Variants in SPINK8 observed in about 807,000 individuals in gnomAD.
SPINK8 encodes the protein serine peptidase inhibitor Kazal type 8 (putative).
SPINK8 carries 12 observed loss-of-function variants against 14.4 expected under a neutral mutation model. The observed-to-expected ratio is 0.83, with a 90% CI of 0.53 to 1.35. SPINK8 has a LOEUF of 1.35. Ranked by LOEUF, SPINK8 falls within the 40% of genes most tolerant of loss-of-function variation. The pLI is 0.00. For synonymous variants in SPINK8, 32 were observed against 37.6 expected, an observed-to-expected ratio of 0.85 and a Z score of 0.55; for missense variants, 103 against 117.0, an observed-to-expected ratio of 0.88 and a Z score of 0.55.
At chr3:48,309,756 T>C in intron 7 of SPINK8, 148 bp downstream of exon 7, 1 of 1,178,636 alleles carries the variant, frequency 8.5e-7, no homozygotes, top group South Asian at 2.5e-5. Context: ...TGAATACACA[T>C]GATAGGCTTA....
rs146137897 is a variant in SPINK8, at chr3:48,326,172, G to C, written c.67+2103C>G. 9.5e-4 allele frequency among the ~76,000 whole-genome samples: 145 copies of C among 152,198 alleles called. 4 individuals carry two copies. In the East Asian group the frequency reaches 0.027, roughly 28 times the overall value. On this transcript the variant is annotated intron_variant, in intron 4 of 7. Coordinates refer to ENST00000434006, the MANE Select transcript of SPINK8 (RefSeq NM_001080525.3). ...ATACCATTGCCCCCTGTAAGCTTAG[G>C]GAGAGAAGAAAAACTCATCTTGGCC...
At chr3:48,321,447 G>A (rs990577812) in intron 4 of SPINK8, among the ~76,000 whole-genome samples, 1 of 151,408 alleles carries the variant, frequency 6.6e-6, no homozygotes, top group African/African-American at 2.4e-5. Context: ...AGCAGTCTTT[G>A]CAATTACATA....
At chr3:48,319,948 G>A (rs1159850489) in intron 5 of SPINK8, among the ~76,000 whole-genome samples, 3 of 150,974 alleles carry the variant, frequency 2.0e-5, no homozygotes, top group Non-Finnish European at 4.4e-5. Context: ...TCGAGACCAC[G>A]GTAAACCCCA....
At chr3:48,324,306 G>C (rs1164037733) in intron 4 of SPINK8, among the ~76,000 whole-genome samples, 2 of 152,062 alleles carry the variant, frequency 1.3e-5, no homozygotes, top group Non-Finnish European at 2.9e-5. Context: ...GTAGTGTATA[G>C]ATATACAAAT....
chr3:48,316,236 C>CA (rs1171379288), intron 6 of SPINK8: 4 of 153,504 alleles, frequency 2.6e-5, no homozygotes, highest in African/African-American at 4.8e-5. Context: ...CCAGTAAGTT[C>CA]AAAAAACTTA....
At chr3:48,329,367 C>T (rs970835580) in intron 2 of SPINK8, among the ~76,000 whole-genome samples, 93 bp from the exon 3 acceptor site, 2 of 152,190 alleles carry the variant, frequency 1.3e-5, no homozygotes, top group Non-Finnish European at 2.9e-5. Context: ...ATGCCTAAAT[C>T]TTGTGAGTTC....
intron 3 of SPINK8, among the ~76,000 whole-genome samples, chr3:48,328,867 C>A (rs903976996): frequency 1.7e-4 from 26 of 152,174 alleles, no homozygotes; most frequent in Non-Finnish European, 3.1e-4. Flanking sequence ...TTGTAATCTT[C>A]CCTAATGTTG....
At chr3:48,331,665 A>G (rs1227514521) in intron 2 of SPINK8, among the ~76,000 whole-genome samples, 1 of 152,134 alleles carries the variant, frequency 6.6e-6, no homozygotes, top group Non-Finnish European at 1.5e-5. Context: ...TTTTGCTAGA[A>G]TGTCTCTCCC....
rs1222998196 is a variant in SPINK8, at chr3:48,309,880, AAAAAT to A, written c.282+19_282+23del. On this transcript the variant is annotated intron_variant, in intron 7 of 7. Coordinates refer to ENST00000434006, the MANE Select transcript of SPINK8 (RefSeq NM_001080525.3). ...CTTATCTAGTTTACTTCTAAAAATA[AAAAAT>A]AAAAGTGTCTTTACTTACACATTGT... 1 of 1,452,262 alleles carries A rather than the reference AAAAAT, an allele frequency of 6.9e-7. No homozygotes were observed. Among genetic ancestry groups the A allele is most frequent in the Non-Finnish European group, 9.1e-7 (1 of 1,104,772 alleles). The allele number at this position is 1,452,262 out of a possible 1,614,324, so 90.0% of individuals were successfully genotyped here. A position where few individuals can be genotyped will look rare whatever the true frequency, so the allele number is the denominator to read the frequency against.
intron 6 of SPINK8, among the ~76,000 whole-genome samples, chr3:48,312,200 A>T (rs2107084088): frequency 6.6e-6 from 1 of 152,326 alleles, no homozygotes; most frequent in Non-Finnish European, 1.5e-5. Context: ...AATACAGAAC[A>T]AAAGAAAAGA....
intron 6 of SPINK8, among the ~76,000 whole-genome samples, chr3:48,312,552 A>G (rs2035935770): frequency 6.6e-6 from 1 of 152,172 alleles, no homozygotes; most frequent in Admixed American, 6.5e-5. Context: ...CTGAGGCAGG[A>G]GAATTGCTTG....
intron 2 of SPINK8, among the ~76,000 whole-genome samples, chr3:48,331,614 C>CT (rs879476335): frequency 2.0e-5 from 3 of 152,134 alleles, no homozygotes; most frequent in Non-Finnish European, 4.4e-5. Flanking sequence ...AGATATTTAC[C>CT]TTTTTTTCTT....
intron 7 of SPINK8, among the ~76,000 whole-genome samples, chr3:48,307,541 ACCC>A (rs1311820274): frequency 7.1e-5 from 3 of 42,426 alleles, no homozygotes; most frequent in African/African-American, 2.8e-4. Flanking sequence ...TCTGCCCCCC[ACCC>A]CCCCACCTCT....
chr3:48,323,767 T>C (rs1182469320), intron 4 of SPINK8, among the ~76,000 whole-genome samples: 1 of 152,196 alleles, frequency 6.6e-6, no homozygotes, highest in East Asian at 1.9e-4. Context: ...AAGGTGTTTT[T>C]CCCCTGGACT....
intron 7 of SPINK8, among the ~76,000 whole-genome samples, chr3:48,307,547 C>A (rs1487660661): frequency 6.8e-6 from 1 of 146,884 alleles, no homozygotes; most frequent in African/African-American, 2.6e-5. Flanking sequence ...CCCCACCCCC[C>A]CACCTCTTCT....
chr3:48,325,447 C>T (rs1348880115), intron 4 of SPINK8, among the ~76,000 whole-genome samples: 1 of 148,440 alleles, frequency 6.7e-6, no homozygotes, highest in Non-Finnish European at 1.5e-5. Context: ...TTTTTTGAGA[C>T]AGCGGCTCAC....
chr3:48,330,025 T>C (rs776807903), intron 2 of SPINK8, among the ~76,000 whole-genome samples: 8 of 152,212 alleles, frequency 5.3e-5, no homozygotes, highest in Non-Finnish European at 1.0e-4. Flanking sequence ...TATCATAAAT[T>C]CCTCAGGTCT....
intron 2 of SPINK8, among the ~76,000 whole-genome samples, chr3:48,331,724 T>G (rs11710257): frequency 0.22 from 32,815 of 152,068 alleles, 4,362 homozygotes; most frequent in South Asian, 0.3. Context: ...TATGTGAAAA[T>G]GGTAAAGTTC....
intron 4 of SPINK8, among the ~76,000 whole-genome samples, chr3:48,328,045 G>A (rs1405937814): frequency 6.6e-6 from 1 of 152,138 alleles, no homozygotes; most frequent in Non-Finnish European, 1.5e-5. Context: ...TAGTAACCTG[G>A]CATTTTGGGA....
Sources: allele counts gnomAD v4.1 joint callset (sites outside exome capture counted in the v4.1 genomes callset), GRCh38; gene constraint gnomAD v4.1.1; transcripts MANE v1.5; gene names NCBI Gene and HGNC (gene_info 2026-07-23, HGNC 2026-07-21).